The following TMPRSS11D variants were observed in gnomAD, a reference collection of about 807,000 sequenced individuals.
The protein encoded by TMPRSS11D is transmembrane serine protease 11D.
TMPRSS11D carries 32 observed loss-of-function variants against 44.4 expected under a neutral mutation model. The ratio of observed to expected loss-of-function variants is 0.72; its 90% CI spans 0.54 to 0.97. TMPRSS11D has a LOEUF of 0.97. Ranked by LOEUF, TMPRSS11D falls within the 50% of genes least tolerant of loss-of-function variation. The pLI, the probability that TMPRSS11D is intolerant of heterozygous loss-of-function variation, is 0.00. For missense variants in TMPRSS11D, 446 were observed against 502.6 expected, an observed-to-expected ratio of 0.89 and a Z score of 1.08; for synonymous variants, 179 against 177.9, an observed-to-expected ratio of 1.01 and a Z score of -0.05.
intron 7 of TMPRSS11D, among the ~76,000 whole-genome samples, chr4:67,831,827 G>A (rs961832445): frequency 1.6e-4 from 25 of 151,948 alleles, no homozygotes; most frequent in African/African-American, 6.0e-4. Context: ...TTTGTTCACT[G>A]CATATAAAAA....
chr4:67,846,993 C>T (rs1272791972), intron 3 of TMPRSS11D, among the ~76,000 whole-genome samples: 1 of 151,944 alleles, frequency 6.6e-6, no homozygotes, highest in Non-Finnish European at 1.5e-5. Flanking sequence ...CAACCTCTGC[C>T]TCCCAGGTTC....
At chr4:67,877,493 C>T (rs1383428013) in intron 1 of TMPRSS11D, among the ~76,000 whole-genome samples, 4 of 152,128 alleles carry the variant, frequency 2.6e-5, no homozygotes, top group South Asian at 4.1e-4. Flanking sequence ...TTGATCTGTA[C>T]GTGATTTTCA....
intron 7 of TMPRSS11D, 61 bp from the exon 8 acceptor site, chr4:67,827,581 A>C: frequency 6.7e-7 from 1 of 1,500,554 alleles, no homozygotes. Flanking sequence ...CAGATATATA[A>C]ATTCATCTTA....
chr4:67,859,389 A>C (rs751982799), intron 2 of TMPRSS11D, among the ~76,000 whole-genome samples, 168 bp downstream of exon 2: 2 of 152,154 alleles, frequency 1.3e-5, no homozygotes, highest in Non-Finnish European at 2.9e-5. Context: ...ATACTGATTC[A>C]GTAAAAATAC....
chr4:67,849,878 A>G (rs956939426), intron 3 of TMPRSS11D, among the ~76,000 whole-genome samples: 2 of 152,182 alleles, frequency 1.3e-5, no homozygotes, highest in Admixed American at 6.5e-5. Context: ...TTCCAGCTCA[A>G]TGGCCTTTGA....
At chr4:67,860,322 A>C (rs1315978974) in intron 1 of TMPRSS11D, 1 of 152,202 alleles carries the variant, frequency 6.6e-6, no homozygotes, top group South Asian at 2.1e-4. Flanking sequence ...TTGTACTAAT[A>C]CATAGTCACA....
chr4:67,825,677 G>A (rs761090552), intron 9 of TMPRSS11D, 55 bp downstream of exon 9: 6 of 1,583,352 alleles, frequency 3.8e-6, no homozygotes, highest in Non-Finnish European at 5.2e-6. Flanking sequence ...CACATACTAG[G>A]AAGTGCTTAT....
chr4:67,823,017 A>G (rs554353167), intron 9 of TMPRSS11D, among the ~76,000 whole-genome samples: 8 of 152,136 alleles, frequency 5.3e-5, no homozygotes, highest in Non-Finnish European at 1.2e-4. Flanking sequence ...TCTCTGAAAC[A>G]CTCACTTGCA....
chr4:67,840,877 C>T (rs1334458198), intron 4 of TMPRSS11D, among the ~76,000 whole-genome samples: 2 of 152,022 alleles, frequency 1.3e-5, no homozygotes, highest in African/African-American at 4.8e-5. Context: ...ATAGAACTTG[C>T]AGATAGGAAA....
intron 4 of TMPRSS11D, among the ~76,000 whole-genome samples, chr4:67,840,524 A>G (rs1718207618): frequency 6.6e-6 from 1 of 152,220 alleles, no homozygotes; most frequent in Non-Finnish European, 1.5e-5. Flanking sequence ...ATTTGAAATG[A>G]CAAATGACGT....
intron 7 of TMPRSS11D, 30 bp downstream of exon 7, chr4:67,833,174 T>C (rs768774658): frequency 3.6e-6 from 5 of 1,402,154 alleles, no homozygotes; most frequent in Non-Finnish European, 4.7e-6. Flanking sequence ...TTCTAATTGT[T>C]CCCAGATGGG....
chr4:67,835,788 G>T (rs372909148), intron 5 of TMPRSS11D, among the ~76,000 whole-genome samples: 2 of 152,162 alleles, frequency 1.3e-5, no homozygotes, highest in Non-Finnish European at 2.9e-5. Context: ...AGAGATTCCA[G>T]ATAGAAGGTA....
At chr4:67,829,406 ACC>A (rs1372871639) in intron 7 of TMPRSS11D, among the ~76,000 whole-genome samples, 6 of 151,286 alleles carry the variant, frequency 4.0e-5, no homozygotes, top group African/African-American at 1.5e-4. Flanking sequence ...GTATATGTGC[ACC>A]TATATACATA....
chr4:67,873,471 G>A (rs1046780207), intron 1 of TMPRSS11D, among the ~76,000 whole-genome samples: 17 of 152,142 alleles, frequency 1.1e-4, no homozygotes, highest in African/African-American at 2.4e-5. Context: ...GTAGCTTGTA[G>A]AATGAATGAT....
Position 67,875,567 on chromosome 4 carries a change from G to A in TMPRSS11D, c.8+8359C>T, listed in dbSNP as rs143237236. On this transcript the variant is annotated intron_variant, in intron 1 of 9. Transcript: ENST00000283916. ...TTACCTGTCTCCCCATCCGCAACCC[G>A]TCCCTACAAATAAACTGTTCCGTGA... Among the ~76,000 whole-genome samples the A allele has an allele frequency of 2.2e-3, 328 of 152,310 alleles. 3 individuals carry two copies. Among genetic ancestry groups the A allele is most frequent in the Middle Eastern group, 6.8e-3 (2 of 294 alleles).
intron 3 of TMPRSS11D, 91 bp from the exon 4 acceptor site, chr4:67,842,716 G>A: frequency 5.0e-6 from 6 of 1,189,622 alleles, no homozygotes; most frequent in Non-Finnish European, 7.3e-6. Flanking sequence ...TGTTAATGAG[G>A]AGTAGAAAAC....
intron 1 of TMPRSS11D, among the ~76,000 whole-genome samples, chr4:67,883,682 A>G (rs1341491913): frequency 6.6e-6 from 1 of 152,130 alleles, no homozygotes; most frequent in African/African-American, 2.4e-5. Context: ...ATATGTTGTC[A>G]TAACGCTAAG....
chr4:67,868,811 G>A (rs1480784188), intron 1 of TMPRSS11D, among the ~76,000 whole-genome samples: 2 of 152,206 alleles, frequency 1.3e-5, no homozygotes, highest in African/African-American at 2.4e-5. Flanking sequence ...TGCAAGAGGC[G>A]GGAGTTATGA....
chr4:67,840,394 C>A (rs1264103026), intron 4 of TMPRSS11D, among the ~76,000 whole-genome samples: 2 of 151,924 alleles, frequency 1.3e-5, no homozygotes, highest in African/African-American at 2.4e-5. Flanking sequence ...ATTATGGGAA[C>A]CAGAGTTCAA....
Sources: allele counts gnomAD v4.1 joint callset (sites outside exome capture counted in the v4.1 genomes callset), GRCh38; gene constraint gnomAD v4.1.1; transcripts MANE v1.5; gene names NCBI Gene and HGNC (gene_info 2026-07-23, HGNC 2026-07-21).